The following MACROD1 variants were observed in gnomAD, a reference collection of about 807,000 sequenced individuals.
MACROD1 encodes mono-ADP ribosylhydrolase 1.
Under a neutral mutation model 41.4 loss-of-function variants are expected in MACROD1, and 31 were observed. That is an observed-to-expected ratio of 0.75 (90% confidence interval 0.56 to 1.01). The LOEUF (loss-of-function observed/expected upper bound fraction) is 1.01. MACROD1 is among the 50% of genes least tolerant of loss of function. The pLI, the probability that MACROD1 is intolerant of heterozygous loss-of-function variation, is 0.00. For synonymous variants in MACROD1, 252 were observed against 203.4 expected, an observed-to-expected ratio of 1.24 and a Z score of -2.03; for missense variants, 473 against 460.0, an observed-to-expected ratio of 1.03 and a Z score of -0.26.
intron 1 of MACROD1, among the ~76,000 whole-genome samples, chr11:64,162,315 G>A (rs908176147): frequency 2.6e-5 from 4 of 152,118 alleles, no homozygotes; most frequent in Non-Finnish European, 5.9e-5. Flanking sequence ...CTGCACTCCA[G>A]CGTGGGCAAC....
intron 3 of MACROD1, among the ~76,000 whole-genome samples, chr11:64,076,908 G>A (rs908744491): frequency 6.6e-6 from 1 of 152,222 alleles, no homozygotes; most frequent in Admixed American, 6.5e-5. Context: ...TTGGGGCTAA[G>A]ACTTCTTCAT....
At chr11:64,129,854 C>G (rs1945240141) in intron 3 of MACROD1, among the ~76,000 whole-genome samples, 1 of 152,138 alleles carries the variant, frequency 6.6e-6, no homozygotes, top group Non-Finnish European at 1.5e-5. Flanking sequence ...TTGGGCCGCA[C>G]AGGAGGGAAT....
Position 63,999,753 on chromosome 11 carries a change from G to T in MACROD1, c.675C>A (p.His225Gln), listed in dbSNP as rs200636276. 2.0e-4 allele frequency: 325 copies of T among 1,606,746 alleles called. 1 individual carries two copies. In the African/African-American group the frequency reaches 4.0e-3, roughly 20 times the overall value. Reference sequence around the variant, plus strand: ...CCCCGTAGGCGATGGGCCCCACTGTGTGGATGACGTCTACGGGGGGCGACG... The same window carrying T: ...CCCCGTAGGCGATGGGCCCCACTGTTTGGATGACGTCTACGGGGGGCGACG... The part of the protein sequence containing the change: ...GYRLPAKYVI[H>Q]TVGPIAYGEP... Residue 225 changes from histidine to glutamine, a missense_variant, in exon 6 of 11, where the codon CAC becomes CAA. Transcript: ENST00000255681.
intron 3 of MACROD1, among the ~76,000 whole-genome samples, chr11:64,145,863 A>G (rs1945488283): frequency 6.6e-6 from 1 of 152,062 alleles, no homozygotes; most frequent in South Asian, 2.1e-4. Flanking sequence ...TCCACCTCCC[A>G]GGTTCAAGCA....
chr11:64,060,473 C>T (rs926018794), intron 3 of MACROD1: 9 of 152,194 alleles, frequency 5.9e-5, no homozygotes, highest in African/African-American at 1.9e-4. Flanking sequence ...CGGGGCTGCC[C>T]GCGACTCCAG....
intron 3 of MACROD1, among the ~76,000 whole-genome samples, chr11:64,105,568 C>A (rs1379504975): frequency 6.6e-6 from 1 of 152,210 alleles, no homozygotes; most frequent in East Asian, 1.9e-4. Context: ...GTGCCCAACA[C>A]TCAGGCACCC....
chr11:64,123,800 G>A lies in MACROD1; in HGVS notation c.517+27439C>T, dbSNP rs7103268. Among the ~76,000 whole-genome samples the A allele has an allele frequency of 2.0e-3, 307 of 152,262 alleles. 2 individuals are homozygous for A. Among genetic ancestry groups the A allele is most frequent in the African/African-American group, 7.0e-3 (289 of 41,562 alleles). On this transcript the variant is annotated intron_variant, in intron 3 of 10. Transcript: ENST00000255681. ...TCCACTCCTTGTGGCCAGTAAAAGGGGAGTGGGTAAAGGGAAAACTGAAGG... is the reference window on the plus strand; with the variant it reads ...TCCACTCCTTGTGGCCAGTAAAAGGAGAGTGGGTAAAGGGAAAACTGAAGG...
chr11:64,075,106 G>A (rs996458736), intron 3 of MACROD1, among the ~76,000 whole-genome samples: 1 of 152,216 alleles, frequency 6.6e-6, no homozygotes. Flanking sequence ...GAAGCACCTT[G>A]GTCTCTCTGG....
intron 4 of MACROD1, among the ~76,000 whole-genome samples, chr11:64,011,327 A>G (rs1943013725): frequency 6.7e-6 from 1 of 149,350 alleles, no homozygotes; most frequent in Admixed American, 6.7e-5. Context: ...GTTGGCTGGC[A>G]TGTTGGTTGG....
intron 5 of MACROD1, 114 bp from the exon 6 acceptor site, chr11:63,999,877 T>C (rs1202891196): frequency 3.2e-6 from 4 of 1,242,814 alleles, no homozygotes; most frequent in Admixed American, 2.6e-5. Flanking sequence ...CCCCAAGCGC[T>C]GAGCCTCCTC....
At chr11:64,034,504 A>G (rs958395899) in intron 3 of MACROD1, among the ~76,000 whole-genome samples, 2 of 152,236 alleles carry the variant, frequency 1.3e-5, no homozygotes, top group African/African-American at 4.8e-5. Context: ...GTGAGGAGGG[A>G]GAGGCAGGAA....
intron 1 of MACROD1, among the ~76,000 whole-genome samples, chr11:64,162,707 C>T (rs1478022407): frequency 6.6e-6 from 1 of 151,072 alleles, no homozygotes; most frequent in Non-Finnish European, 1.5e-5. Flanking sequence ...CCCAGCTATT[C>T]GGGAGGCTGA....
At chr11:64,130,584 C>T (rs1443951232) in intron 3 of MACROD1, among the ~76,000 whole-genome samples, 3 of 152,176 alleles carry the variant, frequency 2.0e-5, no homozygotes, top group Non-Finnish European at 4.4e-5. Flanking sequence ...GGGTCCCGGA[C>T]GCATGGGAGG....
chr11:64,073,315 C>T (rs1311972117), intron 3 of MACROD1, among the ~76,000 whole-genome samples: 1 of 152,234 alleles, frequency 6.6e-6, no homozygotes, highest in Non-Finnish European at 1.5e-5. Flanking sequence ...CCTGTGCCCC[C>T]AGCAGACTCC....
chr11:64,119,535 A>T (rs1945060244), intron 3 of MACROD1, among the ~76,000 whole-genome samples: 1 of 151,562 alleles, frequency 6.6e-6, no homozygotes. Flanking sequence ...TTTAAATATC[A>T]GCTGATTAGA....
chr11:64,140,597 G>T (rs1945398488), intron 3 of MACROD1, among the ~76,000 whole-genome samples: 3 of 152,222 alleles, frequency 2.0e-5, no homozygotes, highest in African/African-American at 7.2e-5. Context: ...AGCAGCTATG[G>T]CAACAAGAAC....
intron 3 of MACROD1, among the ~76,000 whole-genome samples, chr11:64,069,358 T>A (rs1270462490): frequency 6.6e-6 from 1 of 152,116 alleles, no homozygotes; most frequent in Non-Finnish European, 1.5e-5. Context: ...TGCCAGAGGA[T>A]GGGGGTCTCT....
intron 3 of MACROD1, among the ~76,000 whole-genome samples, chr11:64,065,941 C>T (rs1161675827): frequency 6.6e-6 from 1 of 152,096 alleles, no homozygotes; most frequent in African/African-American, 2.4e-5. Context: ...GAAGGCTTTC[C>T]AGGGGAGGTG....
At chr11:64,142,088 T>G (rs557250928) in intron 3 of MACROD1, among the ~76,000 whole-genome samples, 2 of 152,180 alleles carry the variant, frequency 1.3e-5, no homozygotes, top group Admixed American at 6.5e-5. Flanking sequence ...CATCCTAATC[T>G]GTAAAATGGA....
Sources: allele counts gnomAD v4.1 joint callset (sites outside exome capture counted in the v4.1 genomes callset), GRCh38; gene constraint gnomAD v4.1.1; transcripts MANE v1.5; gene names NCBI Gene and HGNC (gene_info 2026-07-23, HGNC 2026-07-21).